The following STARD13 variants were observed in gnomAD, a reference collection of about 807,000 sequenced individuals.
STARD13 encodes stAR-related lipid transfer protein 13.
In STARD13, 62 loss-of-function variants were observed where a neutral mutation model predicts 106.4. That is an observed-to-expected ratio of 0.58 (90% CI 0.48 to 0.72). STARD13 has a LOEUF of 0.72. STARD13 is among the 30% of genes least tolerant of loss of function. STARD13 has a pLI of 0.00. For missense variants in STARD13, 1,387 were observed against 1,424.0 expected (o/e 0.97, Z 0.42); for synonymous variants, 565 against 553.0 (o/e 1.02, Z -0.31).
the STARD13 span, among the ~76,000 whole-genome samples, chr13:33,643,699 G>A: frequency 6.6e-6 from 1 of 152,254 alleles, no homozygotes; most frequent in Non-Finnish European, 1.5e-5. Context: ...CATGGGGCAG[G>A]CATCCTCACT....
At chr13:33,414,571 A>G in the STARD13 span, among the ~76,000 whole-genome samples, 1 of 152,110 alleles carries the variant, frequency 6.6e-6, no homozygotes, top group East Asian at 1.9e-4. Context: ...TGTTTCATTT[A>G]TATATCATTT....
intron 3 of STARD13, among the ~76,000 whole-genome samples, chr13:33,145,680 AAC>A (rs1181738619): frequency 2.6e-5 from 4 of 152,238 alleles, no homozygotes; most frequent in African/African-American, 9.6e-5. Context: ...TGGAATACTC[AAC>A]AATTCAAGGC....
chr13:33,582,867 A>G, the STARD13 span, among the ~76,000 whole-genome samples: 1 of 152,234 alleles, frequency 6.6e-6, no homozygotes, highest in African/African-American at 2.4e-5. Context: ...TCATTGACAT[A>G]AAACAGAGGT....
chr13:33,513,677 AT>A, the STARD13 span, among the ~76,000 whole-genome samples: 3 of 152,060 alleles, frequency 2.0e-5, no homozygotes, highest in South Asian at 2.1e-4. Context: ...CAAAGTTTAG[AT>A]TTTTTTTCAT....
the STARD13 span, among the ~76,000 whole-genome samples, chr13:33,535,624 G>A: frequency 1.3e-5 from 2 of 152,242 alleles, no homozygotes; most frequent in East Asian, 1.9e-4. Flanking sequence ...TCCAAAGGAG[G>A]AGAAAGTTCT....
the STARD13 span, among the ~76,000 whole-genome samples, chr13:33,604,545 C>G: frequency 6.6e-6 from 1 of 152,090 alleles, no homozygotes; most frequent in South Asian, 2.1e-4. Flanking sequence ...GCCTGTAATT[C>G]CAGCAATTTG....
At chr13:33,609,085 C>CAAA in the STARD13 span, among the ~76,000 whole-genome samples, 110 of 49,964 alleles carry the variant, frequency 2.2e-3, no homozygotes, top group Middle Eastern at 8.2e-3. Context: ...GACTCCGTCT[C>CAAA]AAAAAAAAAA....
At chr13:33,522,245 A>G in the STARD13 span, among the ~76,000 whole-genome samples, 1 of 152,082 alleles carries the variant, frequency 6.6e-6, no homozygotes, top group Non-Finnish European at 1.5e-5. Context: ...GGTTCACAGC[A>G]AAATTAAGAG....
the STARD13 span, among the ~76,000 whole-genome samples, chr13:33,490,324 G>A: frequency 2.6e-5 from 4 of 152,108 alleles, no homozygotes; most frequent in South Asian, 2.1e-4. Flanking sequence ...CCTCAAGCCT[G>A]GATACTCATG....
At chr13:33,470,288 C>T in the STARD13 span, among the ~76,000 whole-genome samples, 1 of 152,052 alleles carries the variant, frequency 6.6e-6, no homozygotes, top group Admixed American at 6.6e-5. Context: ...TTTCTTTATC[C>T]AATATGTGCC....
the STARD13 span, among the ~76,000 whole-genome samples, chr13:33,358,544 A>G: frequency 7.9e-5 from 12 of 152,112 alleles, no homozygotes; most frequent in Admixed American, 5.9e-4. Flanking sequence ...GAGTGCACCA[A>G]TCGACACTCT....
At chr13:33,281,919 T>G (rs1734471831) in intron 1 of STARD13, among the ~76,000 whole-genome samples, 1 of 152,176 alleles carries the variant, frequency 6.6e-6, no homozygotes, top group Admixed American at 6.5e-5. Flanking sequence ...GGTTGGATAT[T>G]ATGAATTATG....
chr13:33,550,068 A>G, the STARD13 span, among the ~76,000 whole-genome samples: 1 of 152,206 alleles, frequency 6.6e-6, no homozygotes, highest in East Asian at 1.9e-4. Flanking sequence ...TAATGAAGTC[A>G]CAATTAGGGT....
intron 1 of STARD13, among the ~76,000 whole-genome samples, chr13:33,255,109 T>C (rs370165779): frequency 0.08 from 7,487 of 93,598 alleles, 238 homozygotes; most frequent in African/African-American, 0.14. Flanking sequence ...CCCCCCCCCC[T>C]CAGAGGCTTG....
At chr13:33,464,693 A>G in the STARD13 span, among the ~76,000 whole-genome samples, 2 of 152,180 alleles carry the variant, frequency 1.3e-5, no homozygotes, top group East Asian at 3.9e-4. Context: ...TACTAAAAAT[A>G]CAAAAATTAG....
At chr13:33,659,414 T>C in the STARD13 span, among the ~76,000 whole-genome samples, 14 of 152,204 alleles carry the variant, frequency 9.2e-5, no homozygotes, top group East Asian at 1.2e-3. Context: ...TGGGGTTTCA[T>C]CATGTTGGCC....
the STARD13 span, among the ~76,000 whole-genome samples, chr13:33,383,858 G>C: frequency 2.7e-5 from 4 of 150,246 alleles, no homozygotes; most frequent in African/African-American, 7.4e-5. Context: ...TTTCTCCTTC[G>C]TGAGTTTGTT....
chr13:33,423,237 A>C, the STARD13 span, among the ~76,000 whole-genome samples: 1 of 152,232 alleles, frequency 6.6e-6, no homozygotes, highest in Admixed American at 6.5e-5. Context: ...GAACTTAAAC[A>C]AATTTACAAG....
chr13:33,499,094 C>T, the STARD13 span, among the ~76,000 whole-genome samples: 6 of 152,274 alleles, frequency 3.9e-5, no homozygotes, highest in African/African-American at 1.4e-4. Flanking sequence ...GCCAAGATCA[C>T]GCCATTGCAC....
Sources: allele counts gnomAD v4.1 joint callset (sites outside exome capture counted in the v4.1 genomes callset), GRCh38; gene constraint gnomAD v4.1.1; transcripts MANE v1.5; gene names NCBI Gene and HGNC (gene_info 2026-07-23, HGNC 2026-07-21).